The following SLC5A4 variants were observed in gnomAD, a reference collection of about 807,000 sequenced individuals.
SLC5A4 encodes probable glucose sensor protein SLC5A4.
Under a neutral mutation model 70.3 loss-of-function variants are expected in SLC5A4, and 55 were observed. The observed-to-expected ratio is 0.78, with a 90% CI of 0.63 to 0.98. SLC5A4 has a LOEUF of 0.98. SLC5A4 is among the 50% of genes least tolerant of loss of function. SLC5A4 has a pLI of 0.00. For synonymous variants in SLC5A4, 268 were observed against 305.7 expected (o/e 0.88, Z 1.29); for missense variants, 735 against 839.2 (o/e 0.88, Z 1.53).
chr22:32,300,119 C>T, the SLC5A4 span, among the ~76,000 whole-genome samples: 1 of 151,814 alleles, frequency 6.6e-6, no homozygotes, highest in African/African-American at 2.4e-5. Flanking sequence ...TTTGTCTGTG[C>T]CCTGCCACCA....
the SLC5A4 span, among the ~76,000 whole-genome samples, chr22:32,261,573 G>A: frequency 3.3e-5 from 5 of 152,184 alleles, no homozygotes; most frequent in South Asian, 2.1e-4. Context: ...CTGCCACCCC[G>A]AACTTCCAGA....
At chr22:32,220,835 T>C in intron 14 of SLC5A4, 85 bp downstream of exon 14, 1 of 901,770 alleles carries the variant, frequency 1.1e-6, no homozygotes, top group Non-Finnish European at 1.8e-6. Context: ...TTTCGGAAGC[T>C]GGATTTAATG....
the SLC5A4 span, among the ~76,000 whole-genome samples, chr22:32,333,976 A>G: frequency 6.8e-6 from 1 of 146,490 alleles, no homozygotes; most frequent in Non-Finnish European, 1.5e-5. Flanking sequence ...ATATACACAC[A>G]CACCATGCAA....
chr22:32,263,043 C>T, the SLC5A4 span, among the ~76,000 whole-genome samples: 3,769 of 151,196 alleles, frequency 0.025, 171 homozygotes, highest in African/African-American at 0.088. Context: ...GCTGGGATTA[C>T]AGGCATGAGC....
the SLC5A4 span, chr22:32,270,467 G>A: frequency 3.2e-6 from 3 of 940,118 alleles, no homozygotes; most frequent in African/African-American, 1.6e-5. Flanking sequence ...AAGGGGGAGG[G>A]CACGGAGCAG....
At chr22:32,247,895 C>G (rs1034589501) in intron 4 of SLC5A4, among the ~76,000 whole-genome samples, 2 of 152,190 alleles carry the variant, frequency 1.3e-5, no homozygotes, top group African/African-American at 4.8e-5. Flanking sequence ...ATCTGGAATC[C>G]CTGGCTCCAT....
the SLC5A4 span, among the ~76,000 whole-genome samples, chr22:32,300,306 G>A: frequency 6.7e-6 from 1 of 149,966 alleles, no homozygotes; most frequent in Non-Finnish European, 1.5e-5. Context: ...CTAGCAATCA[G>A]GGAGACTCCG....
At chr22:32,292,248 T>C in the SLC5A4 span, among the ~76,000 whole-genome samples, 8 of 125,584 alleles carry the variant, frequency 6.4e-5, no homozygotes, top group East Asian at 1.7e-3. Flanking sequence ...ATATAATATA[T>C]ACTAGATATT....
the SLC5A4 span, among the ~76,000 whole-genome samples, chr22:32,344,451 GTA>G: frequency 3.9e-5 from 6 of 152,190 alleles, no homozygotes; most frequent in East Asian, 1.9e-4. Flanking sequence ...ATGCAGGAAA[GTA>G]TATGTTTTTA....
At chr22:32,268,021 AGCTGAG>A in the SLC5A4 span, among the ~76,000 whole-genome samples, 2 of 152,042 alleles carry the variant, frequency 1.3e-5, no homozygotes, top group African/African-American at 4.8e-5. Flanking sequence ...GTACTTGGGA[AGCTGAG>A]GCAGGAGAAT....
At chr22:32,306,440 T>C in the SLC5A4 span, among the ~76,000 whole-genome samples, 3 of 145,668 alleles carry the variant, frequency 2.1e-5, no homozygotes, top group Non-Finnish European at 4.5e-5. Context: ...CACTCCAGCC[T>C]GGGCGACAGA....
At chr22:32,313,021 A>G in the SLC5A4 span, among the ~76,000 whole-genome samples, 2 of 152,148 alleles carry the variant, frequency 1.3e-5, no homozygotes, top group Non-Finnish European at 2.9e-5. Flanking sequence ...AGCTCCATAT[A>G]GTACTAGAGC....
the SLC5A4 span, among the ~76,000 whole-genome samples, chr22:32,328,483 C>G: frequency 6.6e-6 from 1 of 152,268 alleles, no homozygotes; most frequent in East Asian, 1.9e-4. Context: ...TTTGGGTGGT[C>G]AGCTGTCATG....
chr22:32,281,010 A>G, the SLC5A4 span, among the ~76,000 whole-genome samples: 1 of 152,170 alleles, frequency 6.6e-6, no homozygotes, highest in Non-Finnish European at 1.5e-5. Context: ...GGCAGCATCT[A>G]TTTGGCTGAG....
chr22:32,287,903 G>A, the SLC5A4 span, among the ~76,000 whole-genome samples: 1 of 151,198 alleles, frequency 6.6e-6, no homozygotes, highest in African/African-American at 2.4e-5. Context: ...GTCTGTATAG[G>A]AGGAAAGGAA....
chr22:32,275,147 T>C, the SLC5A4 span, among the ~76,000 whole-genome samples: 1 of 151,420 alleles, frequency 6.6e-6, no homozygotes, highest in Admixed American at 6.6e-5. Flanking sequence ...ATGCTGGAGA[T>C]ACAAAAGAAA....
chr22:32,232,370 C>T (rs35777893), intron 9 of SLC5A4, among the ~76,000 whole-genome samples: 3,674 of 152,180 alleles, frequency 0.024, 78 homozygotes, highest in Non-Finnish European at 0.036. Context: ...CTTCACTTTT[C>T]GTAATAAAGA....
the SLC5A4 span, among the ~76,000 whole-genome samples, chr22:32,306,116 A>G: frequency 6.6e-6 from 1 of 152,206 alleles, no homozygotes; most frequent in African/African-American, 2.4e-5. Flanking sequence ...ACGTCAATCT[A>G]GGGAACAGTT....
chr22:32,251,679 A>G (rs1310049644), intron 3 of SLC5A4, 91 bp downstream of exon 3: 1 of 845,534 alleles, frequency 1.2e-6, no homozygotes, highest in East Asian at 2.4e-5. Flanking sequence ...TAAATTATCC[A>G]GCCTGTGATA....
Sources: allele counts gnomAD v4.1 joint callset (sites outside exome capture counted in the v4.1 genomes callset), GRCh38; gene constraint gnomAD v4.1.1; transcripts MANE v1.5; gene names NCBI Gene and HGNC (gene_info 2026-07-23, HGNC 2026-07-21).